TOP1: variants seen among roughly 807,000 people sequenced by gnomAD.
TOP1 encodes the protein DNA topoisomerase I.
In TOP1, 10 loss-of-function variants were observed where a neutral mutation model predicts 111.1. The ratio of observed to expected loss-of-function variants is 0.09; its 90% confidence interval spans 0.06 to 0.15. The LOEUF (loss-of-function observed/expected upper bound fraction) is 0.15, where lower values mean the gene tolerates loss of function less well. TOP1 is among the 10% of genes least tolerant of loss of function. The pLI is 1.00. For missense variants in TOP1, 474 were observed against 926.7 expected (o/e 0.51, Z 6.34); for synonymous variants, 271 against 302.9 (o/e 0.89, Z 1.10).
At chr20:41,073,473 G>A (rs1233760599) in intron 3 of TOP1, 1 of 985,002 alleles carries the variant, frequency 1.0e-6, no homozygotes, top group African/African-American at 1.8e-5. Flanking sequence ...ATTCTAGAAA[G>A]TTTCTCCTCG....
chr20:41,051,531 A>G (rs556352830), intron 2 of TOP1, among the ~76,000 whole-genome samples: 14 of 152,326 alleles, frequency 9.2e-5, no homozygotes, highest in Middle Eastern at 3.4e-3. Flanking sequence ...CACCAGATAG[A>G]ATAAGATTGG....
Position 41,101,143 on chromosome 20 carries a change from G to C in TOP1, c.1164-66G>C, listed in dbSNP as rs1198044220. On this transcript the variant is annotated intron_variant, in intron 12 of 20. Coordinates refer to ENST00000361337, the MANE Select transcript of TOP1 (RefSeq NM_003286.4). The surrounding 1 kb of genome is among the most constrained non-coding windows in gnomAD (Gnocchi z 4.1). ...TATGCTCAGCAGATAGGTCCACTTG[G>C]GGTCATGAAAGGTGAAATTATTCCT... 6.4e-7 allele frequency: 1 copy of C among 1,565,178 alleles called. No individual in the cohort carries two copies. The highest frequency in any genetic ancestry group is 8.8e-7 in the Non-Finnish European group (1 of 1,139,496).
rs1329385409 is a variant in TOP1 at position 41,116,629 on chromosome 20, C to T, written c.1822+237C>T. Among the ~76,000 whole-genome samples, 5 of 152,180 alleles carry T rather than the reference C, an allele frequency of 3.3e-5. No homozygotes were observed. The highest frequency in any genetic ancestry group is 5.9e-5 in the Non-Finnish European group (4 of 68,030). ...ATTTCATGGAATGCTGACAGCTTTT[C>T]ACCTGCTACAAAAATGCCTGCATTT... On this transcript the variant is annotated intron_variant, in intron 17 of 20. Transcript: ENST00000361337. The surrounding 1 kb of genome is among the most constrained non-coding windows in gnomAD (Gnocchi z 5.6).
chr20:41,079,465 A>G lies in TOP1; in HGVS notation c.336-620A>G, dbSNP rs916030078. Among the ~76,000 whole-genome samples the G allele has an allele frequency of 6.6e-6, 1 of 152,254 alleles. No homozygotes were observed. Among genetic ancestry groups the G allele is most frequent in the Non-Finnish European group, 1.5e-5 (1 of 68,050 alleles). On this transcript the variant is annotated intron_variant, in intron 5 of 20. Transcript: ENST00000361337. This position sits in a 1 kb window ranked among gnomAD's most constrained non-coding sequence, Gnocchi z 4.0. Reference sequence around the variant, plus strand: ...AGTAGTGAGACACTCTTCTGTATATAAAGTAAACCTAAGTTAGGACGTTGA... The same window carrying G: ...AGTAGTGAGACACTCTTCTGTATATGAAGTAAACCTAAGTTAGGACGTTGA...
chr20:41,107,382 T>G (rs1314118725), intron 13 of TOP1, among the ~76,000 whole-genome samples: 1 of 152,146 alleles, frequency 6.6e-6, no homozygotes, highest in Non-Finnish European at 1.5e-5. Context: ...TAAACTATAT[T>G]TTCATACTCT....
In TOP1 at chr20:41,033,842, G is replaced by A. The variant is rs1817337023; in HGVS notation, c.58+4387G>A. Among the ~76,000 whole-genome samples the A allele has an allele frequency of 2.0e-5, 3 of 152,158 alleles. No individual in the cohort carries two copies. The South Asian group carries it at 6.2e-4, about 32-fold the overall frequency. ...GTTTCCTCAGAAGTGTGTTTTGTGA[G>A]GGATTGCATCTTTCCCATGTGAAAC... is the stretch of plus-strand genomic sequence containing the variant. On this transcript the variant is annotated intron_variant, in intron 2 of 20. Transcript: ENST00000361337.
In TOP1 at chr20:41,106,919, A is replaced by G. The variant is rs920632316; in HGVS notation, c.1308+5566A>G. On this transcript the variant is annotated intron_variant, in intron 13 of 20. Transcript: ENST00000361337. The surrounding 1 kb of genome is among the most constrained non-coding windows in gnomAD (Gnocchi z 4.3). ...GTTTTAATTTTTATTTTTAAACACAATTATCCATAAAACCCTAACCCTTTC... is the reference window on the plus strand; with the variant it reads ...GTTTTAATTTTTATTTTTAAACACAGTTATCCATAAAACCCTAACCCTTTC... Among the ~76,000 whole-genome samples, 8 of 152,198 alleles carry G rather than the reference A, an allele frequency of 5.3e-5. No homozygotes were observed. Among genetic ancestry groups the G allele is most frequent in the Non-Finnish European group, 5.9e-5 (4 of 68,032 alleles).
At chr20:41,103,641 A>G (rs530855113) in intron 13 of TOP1, among the ~76,000 whole-genome samples, 1 of 151,916 alleles carries the variant, frequency 6.6e-6, no homozygotes, top group East Asian at 1.9e-4. Context: ...CATTTAAAGG[A>G]TAATGTAAAG....
chr20:41,048,853 ATGAACT>A (rs2033366311), intron 2 of TOP1, among the ~76,000 whole-genome samples: 1 of 152,204 alleles, frequency 6.6e-6, no homozygotes, highest in Non-Finnish European at 1.5e-5. Context: ...AGATAAGAAG[ATGAACT>A]TGAATTTAAG....
chr20:41,110,202 T>C lies in TOP1; in HGVS notation c.1309-2580T>C, dbSNP rs2034212739. ...CAGGAGGCTGAGACATGGGAATCGC[T>C]TGAACCTGAGGGGTAGAGGTTGCAC... is the stretch of plus-strand genomic sequence containing the variant. On this transcript the variant is annotated intron_variant, in intron 13 of 20. Transcript: ENST00000361337. The surrounding 1 kb of genome is among the most constrained non-coding windows in gnomAD (Gnocchi z 4.2). Among the ~76,000 whole-genome samples the C allele has an allele frequency of 6.6e-6, 1 of 152,170 alleles. No individual in the cohort carries two copies. Among genetic ancestry groups the C allele is most frequent in the Admixed American group, 6.5e-5 (1 of 15,278 alleles).
chr20:41,050,281 G>T (rs2033388778), intron 2 of TOP1, among the ~76,000 whole-genome samples: 1 of 152,222 alleles, frequency 6.6e-6, no homozygotes, highest in Non-Finnish European at 1.5e-5. Flanking sequence ...GCCTCCCAAA[G>T]TGCTGGGATT....
Position 41,118,101 on chromosome 20 carries a change from A to C in TOP1, c.1823-68A>C. 5.8e-6 allele frequency: 9 copies of C among 1,539,760 alleles called. No individual in the cohort carries two copies. The highest frequency in any genetic ancestry group is 8.0e-6 in the Non-Finnish European group (9 of 1,131,982). On this transcript the variant is annotated intron_variant, in intron 17 of 20. Transcript: ENST00000361337. This position sits in a 1 kb window ranked among gnomAD's most constrained non-coding sequence, Gnocchi z 4.6. ...ATCATGGGGACGAGGCACTGGGGGA[A>C]GACATACTGTGTGTTCACTTTTGGT... is the stretch of plus-strand genomic sequence containing the variant.
chr20:41,057,131 C>T (rs550051694), intron 2 of TOP1, among the ~76,000 whole-genome samples: 2 of 152,060 alleles, frequency 1.3e-5, no homozygotes, highest in African/African-American at 4.8e-5. Context: ...CCGGGCATGG[C>T]GGCATGCACC....
intron 9 of TOP1, among the ~76,000 whole-genome samples, chr20:41,093,622 C>T (rs756949202): frequency 8.5e-5 from 13 of 152,142 alleles, no homozygotes; most frequent in Non-Finnish European, 1.9e-4. Context: ...CCCATCCCAC[C>T]GCCCGCACTG....
At chr20:41,072,776 A>G (rs1209779174) in intron 3 of TOP1, 12 of 985,340 alleles carry the variant, frequency 1.2e-5, no homozygotes, top group African/African-American at 3.5e-5. Flanking sequence ...GTGGAGCTCT[A>G]TAAACCCAAA....
intron 2 of TOP1, among the ~76,000 whole-genome samples, chr20:41,033,233 T>A (rs535404716): frequency 1.3e-5 from 2 of 151,180 alleles, no homozygotes; most frequent in African/African-American, 4.9e-5. Context: ...AACTAAATAA[T>A]ATAGCTAGCA....
Position 41,058,458 on chromosome 20 carries a change from A to T in TOP1, c.59-2936A>T, listed in dbSNP as rs1475339544. On this transcript the variant is annotated intron_variant, in intron 2 of 20. Coordinates refer to ENST00000361337, the MANE Select transcript of TOP1 (RefSeq NM_003286.4). The surrounding 1 kb of genome is among the most constrained non-coding windows in gnomAD (Gnocchi z 4.2). ...AAACTTAATTTAGGCTAGAAGGTCC[A>T]CTTCCAGGATGGCTCATTCACATGG... 1.3e-5 allele frequency among the ~76,000 whole-genome samples: 2 copies of T among 152,214 alleles called. No individual in the cohort carries two copies. Among genetic ancestry groups the T allele is most frequent in the African/African-American group, 2.4e-5 (1 of 41,462 alleles).
intron 2 of TOP1, among the ~76,000 whole-genome samples, chr20:41,038,967 T>C (rs1468422986): frequency 6.6e-6 from 1 of 151,558 alleles, no homozygotes; most frequent in African/African-American, 2.4e-5. Context: ...TACCCCGTTT[T>C]GGGCAACAGA....
At chr20:41,044,445 C>G (rs1346272386) in intron 2 of TOP1, among the ~76,000 whole-genome samples, 1 of 152,178 alleles carries the variant, frequency 6.6e-6, no homozygotes, top group Non-Finnish European at 1.5e-5. Context: ...AATAATTGCT[C>G]TATCTCAGTT....
Sources: allele counts gnomAD v4.1 joint callset (sites outside exome capture counted in the v4.1 genomes callset), GRCh38; gene constraint gnomAD v4.1.1; non-coding constraint Gnocchi (gnomAD v3.1); transcripts MANE v1.5; gene names NCBI Gene and HGNC (gene_info 2026-07-23, HGNC 2026-07-21).